TNFAIP8L2: variants seen among roughly 807,000 people sequenced by gnomAD.
TNFAIP8L2 encodes TNF alpha induced protein 8 like 2, also known as tumor necrosis factor alpha-induced protein 8-like protein 2.
In TNFAIP8L2, 2 loss-of-function variants were observed where a neutral mutation model predicts 5.6. The ratio of observed to expected loss-of-function variants is 0.36; its 90% CI spans 0.15 to 1.13. TNFAIP8L2 has a LOEUF of 1.13. Ranked by LOEUF, TNFAIP8L2 falls within the 50% of genes most tolerant of loss-of-function variation. The pLI is 0.40. For synonymous variants in TNFAIP8L2, 91 were observed against 101.1 expected (o/e 0.90, Z 0.60); for missense variants, 216 against 241.8 (o/e 0.89, Z 0.71).
In TNFAIP8L2 at chr1:151,158,734, G is replaced by A. The variant is rs780489680; in HGVS notation, c.37G>A (p.Ala13Thr). Residue 13 changes from alanine (A) to threonine (T), a missense_variant, in exon 2 of 2, where the codon GCA becomes ACA. Physicochemically the swap from Ala to Thr is moderately conservative, Grantham distance 58. Coordinates refer to ENST00000368910, the MANE Select transcript of TNFAIP8L2 (RefSeq NM_024575.5). ...SFSSKSLALQ[A>T]EKKLLSKMAG... ...CAGCTCAAAGAGCCTGGCACTGCAA[G>A]CAGAGAAGAAGCTACTGAGTAAGAT... 8.7e-6 allele frequency: 14 copies of A among 1,611,490 alleles called. No individual in the cohort carries two copies. In the Admixed American group the frequency reaches 1.8e-4, roughly 21 times the overall value.
At chr1:151,157,121 C>T (rs1350192112) in intron 1 of TNFAIP8L2, among the ~76,000 whole-genome samples, 1 of 151,996 alleles carries the variant, frequency 6.6e-6, no homozygotes, top group Admixed American at 6.6e-5. Context: ...TGTGAGACGG[C>T]AATGGGGGCA....
intron 1 of TNFAIP8L2, among the ~76,000 whole-genome samples, chr1:151,157,028 A>G (rs1362659329): frequency 6.6e-6 from 1 of 152,172 alleles, no homozygotes. Context: ...GAGTATGGCC[A>G]GGCCAGAGGA....
rs750540925 is a variant in TNFAIP8L2, at chr1:151,159,124, A to G, written c.427A>G (p.Ile143Val). Residue 143 changes from isoleucine to valine, a missense_variant, in exon 2 of 2, where the codon ATC becomes GTC. Physicochemically the swap from Ile to Val is conservative, Grantham distance 29. Coordinates refer to ENST00000368910, the MANE Select transcript of TNFAIP8L2 (RefSeq NM_024575.5). The stretch of plus-strand genomic sequence containing the variant: ...CCTCACGCCCAAGTCACATGGCCGC[A>G]TCCGCCACGTGTTTGATCACTTCTC... ...HHLTPKSHGR[I>V]RHVFDHFSDP... is the part of the protein sequence containing the mutation. 52 of 1,614,176 alleles carry G rather than the reference A, an allele frequency of 3.2e-5. No individual in the cohort carries two copies. The highest frequency in any genetic ancestry group is 4.4e-5 in the Non-Finnish European group (52 of 1,180,050).
At position 151,159,259 on chromosome 1, in the gene TNFAIP8L2, T is replaced by C. The variant is rs1683348606; in HGVS notation, c.*7T>C. 1.9e-6 allele frequency: 3 copies of C among 1,608,124 alleles called. No individual in the cohort carries two copies. The highest frequency in any genetic ancestry group is 2.6e-6 in the Non-Finnish European group (3 of 1,175,954). ...AGACGAAGGGAAGCTCTGAGAGCCC[T>C]GAGCCTAGCACATTCCACCTTGACA... is the stretch of plus-strand genomic sequence containing the variant. On this transcript the variant is annotated 3_prime_UTR_variant, in exon 2 of 2. Coordinates refer to ENST00000368910, the MANE Select transcript of TNFAIP8L2 (RefSeq NM_024575.5).
chr1:151,158,615 A>G (rs41305062), intron 1 of TNFAIP8L2, 51 bp from the exon 2 acceptor site: 314,077 of 1,281,992 alleles, frequency 0.24, 46,161 homozygotes, highest in African/African-American at 0.67. Context: ...GCAACAGAAA[A>G]GGGAAAAGCC....
intron 1 of TNFAIP8L2, 83 bp from the exon 2 acceptor site, chr1:151,158,583 T>A (rs1294262018): frequency 9.6e-7 from 1 of 1,038,626 alleles, no homozygotes; most frequent in Non-Finnish European, 1.4e-6. Flanking sequence ...ACAAAGATGA[T>A]GATGACATGG....
chr1:151,157,086 G>C (rs1464488288), intron 1 of TNFAIP8L2, among the ~76,000 whole-genome samples: 1 of 152,202 alleles, frequency 6.6e-6, no homozygotes, highest in Non-Finnish European at 1.5e-5. Context: ...GAAACAGGGA[G>C]AGAGGGAGAA....
chr1:151,157,080 C>G (rs1683246939), intron 1 of TNFAIP8L2, among the ~76,000 whole-genome samples: 1 of 152,028 alleles, frequency 6.6e-6, no homozygotes, highest in African/African-American at 2.4e-5. Context: ...GAGACTGAAA[C>G]AGGGAGAGAG....
Position 151,159,355 on chromosome 1 carries a change from T to C in TNFAIP8L2, c.*103T>C. The C allele has an allele frequency of 8.3e-7, 1 of 1,204,562 alleles. No homozygotes were observed. Among genetic ancestry groups the C allele is most frequent in the Non-Finnish European group, 1.2e-6 (1 of 869,152 alleles). The allele number at this position is 1,204,562 out of a possible 1,614,324, so 74.6% of individuals were successfully genotyped here. A position where few individuals can be genotyped will look rare whatever the true frequency, so the allele number is the denominator to read the frequency against. On this transcript the variant is annotated 3_prime_UTR_variant, in exon 2 of 2. Coordinates refer to ENST00000368910, the MANE Select transcript of TNFAIP8L2 (RefSeq NM_024575.5). ...CTCACCTGGCACTAACACTTTTCAATCTTCAGGCTTCATTCCTTCCCAAGA... is the reference window on the plus strand; with the variant it reads ...CTCACCTGGCACTAACACTTTTCAACCTTCAGGCTTCATTCCTTCCCAAGA...
rs981997335 is a variant in TNFAIP8L2 at position 151,159,271 on chromosome 1, A to G, written c.*19A>G. On this transcript the variant is annotated 3_prime_UTR_variant, in exon 2 of 2. Coordinates refer to ENST00000368910, the MANE Select transcript of TNFAIP8L2 (RefSeq NM_024575.5). ...GCTCTGAGAGCCCTGAGCCTAGCAC[A>G]TTCCACCTTGACAAAATGGTTGACT... The G allele has an allele frequency of 1.5e-5, 24 of 1,591,530 alleles. No homozygotes were observed. Among genetic ancestry groups the G allele is most frequent in the Non-Finnish European group, 2.0e-5 (23 of 1,166,068 alleles).
At chr1:151,158,097 G>A (rs1208637265) in intron 1 of TNFAIP8L2, among the ~76,000 whole-genome samples, 1 of 152,148 alleles carries the variant, frequency 6.6e-6, no homozygotes, top group Non-Finnish European at 1.5e-5. Context: ...GGCCGAGGTG[G>A]GCAGATCATG....
At position 151,158,994 on chromosome 1, in the gene TNFAIP8L2, G is replaced by A. The variant is rs775834167; in HGVS notation, c.297G>A (p.Met99Ile). ...GCCAGAAGCTGCGGCAGGGTGCCAT[G>A]ACGGCACTTAGCTTTGGTGAGGTAG... ...RFRQKLRQGAMTALSFGEVDF... is the reference protein window; with the variant it reads ...RFRQKLRQGAITALSFGEVDF... The change falls in exon 2 of 2, where the codon ATG (methionine) becomes ATA (isoleucine). Residue 99 changes from methionine to isoleucine, a missense_variant. Physicochemically the swap from Met to Ile is conservative, Grantham distance 10. Transcript: ENST00000368910. 3 of 1,614,288 alleles carry A rather than the reference G, an allele frequency of 1.9e-6. No homozygotes were observed. In the East Asian group the frequency reaches 6.7e-5, roughly 36 times the overall value.
chr1:151,158,727 A>T lies in TNFAIP8L2; in HGVS notation c.30A>T (p.Ala10=). 6.2e-7 allele frequency: 1 copy of T among 1,609,960 alleles called. No homozygotes were observed. Among genetic ancestry groups the T allele is most frequent in the Non-Finnish European group, 8.5e-7 (1 of 1,177,388 alleles). The change falls in exon 2 of 2, where the codon GCA becomes GCT. Residue 10 remains alanine, a synonymous_variant. Coordinates refer to ENST00000368910, the MANE Select transcript of TNFAIP8L2 (RefSeq NM_024575.5). The part of the protein sequence containing the change: MESFSSKSL[A]LQAEKKLLSK... ...AGTCCTTCAGCTCAAAGAGCCTGGC[A>T]CTGCAAGCAGAGAAGAAGCTACTGA... is the stretch of plus-strand genomic sequence containing the variant.
Position 151,156,663 on chromosome 1 carries a change from TTC to T in TNFAIP8L2, c.-89_-88del, listed in dbSNP as rs1227402984. On this transcript the variant is annotated 5_prime_UTR_variant, in exon 1 of 2. Transcript: ENST00000368910. ...AAAGGGCTCTCACACTAAGTGAAGC[TTC>T]TCCATTCTGTAAGCTTTCCGGGAAC... 1 of 152,282 alleles carries T rather than the reference TTC, an allele frequency of 6.6e-6. No individual in the cohort carries two copies. Among genetic ancestry groups the T allele is most frequent in the Non-Finnish European group, 1.5e-5 (1 of 68,078 alleles). 9.4% of individuals were successfully genotyped at this position (152,282 alleles called of 1,614,324 possible).
At chr1:151,158,148 C>T (rs587689925) in intron 1 of TNFAIP8L2, among the ~76,000 whole-genome samples, 65 of 152,022 alleles carry the variant, frequency 4.3e-4, no homozygotes, top group African/African-American at 1.4e-3. Flanking sequence ...CATGGTGAAA[C>T]GCTGTCTCTA....
In TNFAIP8L2 at chr1:151,156,697, G is replaced by A. The variant is rs903791143; in HGVS notation, c.-58G>A. 4 of 152,226 alleles carry A rather than the reference G, an allele frequency of 2.6e-5. No homozygotes were observed. Among genetic ancestry groups the A allele is most frequent in the Admixed American group, 6.6e-5 (1 of 15,266 alleles). 9.4% of individuals were successfully genotyped at this position (152,226 alleles called of 1,614,324 possible). The stretch of plus-strand genomic sequence containing the variant: ...CTGTAAGCTTTCCGGGAACATCCAA[G>A]GCAAGACTGGCACCCAGCACAGCAG... On this transcript the variant is annotated 5_prime_UTR_variant, in exon 1 of 2. Coordinates refer to ENST00000368910, the MANE Select transcript of TNFAIP8L2 (RefSeq NM_024575.5).
At position 151,159,299 on chromosome 1, in the gene TNFAIP8L2, G is replaced by A. The variant is rs375563946; in HGVS notation, c.*47G>A. ...CCACCTTGACAAAATGGTTGACTGAGAAAACACAGATAATGGGCTTCCTAA... is the reference window on the plus strand; with the variant it reads ...CCACCTTGACAAAATGGTTGACTGAAAAAACACAGATAATGGGCTTCCTAA... On this transcript the variant is annotated 3_prime_UTR_variant, in exon 2 of 2. Transcript: ENST00000368910. 1.6e-4 allele frequency: 251 copies of A among 1,554,690 alleles called. No individual in the cohort carries two copies. Among genetic ancestry groups the A allele is most frequent in the Admixed American group, 2.4e-4 (13 of 54,398 alleles).
At chr1:151,157,260 C>T (rs1683255769) in intron 1 of TNFAIP8L2, among the ~76,000 whole-genome samples, 1 of 152,174 alleles carries the variant, frequency 6.6e-6, no homozygotes, top group African/African-American at 2.4e-5. Context: ...GTTCAGGTTT[C>T]CACTGGAAGG....
At chr1:151,157,720 A>G (rs1419147415) in intron 1 of TNFAIP8L2, among the ~76,000 whole-genome samples, 1 of 152,222 alleles carries the variant, frequency 6.6e-6, no homozygotes, top group East Asian at 1.9e-4. Context: ...CAAAATGGGG[A>G]TACCTACCCT....
Sources: gnomAD v4.1 joint callset for allele counts (sites outside exome capture counted in the v4.1 genomes callset) on GRCh38, gnomAD v4.1.1 for gene constraint, MANE v1.5 for transcripts, NCBI Gene and HGNC (gene_info 2026-07-23, HGNC 2026-07-21) for gene names.